CRIP2: variants seen among roughly 807,000 people sequenced by gnomAD.
CRIP2 encodes the protein cysteine-rich protein 2.
In CRIP2, 31 loss-of-function variants were observed where a neutral mutation model predicts 31.3. The ratio of observed to expected loss-of-function variants is 0.99; its 90% confidence interval spans 0.74 to 1.34. The LOEUF (loss-of-function observed/expected upper bound fraction) is 1.34. CRIP2 is among the 40% of genes most tolerant of loss of function. The pLI, the probability that CRIP2 is intolerant of heterozygous loss-of-function variation, is 0.00. For missense variants in CRIP2, 389 were observed against 301.6 expected (o/e 1.29, Z -2.15); for synonymous variants, 177 against 127.2 (o/e 1.39, Z -2.63).
chr14:105,478,348 G>T lies in CRIP2; in HGVS notation c.126G>T (p.Gly42=), dbSNP rs1555436360. The change falls in exon 2 of 8, where the codon GGG becomes GGT. Residue 42 remains glycine, a synonymous_variant. Transcript: ENST00000329146. This position sits in a 1 kb window ranked among gnomAD's most constrained non-coding sequence, Gnocchi z 4.9. ...GCTGCAGCAAGACGCTGACGCCCGG[G>T]GGCCACGCCGAGGTGAGCCCCACTG... The part of the protein sequence containing the change: ...CERCSKTLTP[G]GHAEHDGKPF... 2 of 1,561,752 alleles carry T rather than the reference G, an allele frequency of 1.3e-6. No homozygotes were observed. Among genetic ancestry groups the T allele is most frequent in the Admixed American group, 1.9e-5 (1 of 51,834 alleles).
At position 105,478,867 on chromosome 14, in the gene CRIP2, C is replaced by G. The variant is rs1555436548; in HGVS notation, c.333C>G (p.Ser111Arg). The change falls in exon 4 of 8, where the codon AGC becomes AGG. Residue 111 changes from serine (S) to arginine (R), a missense_variant. By Grantham distance (110) the Ser-to-Arg change is moderately radical (BLOSUM62 -1). Transcript: ENST00000329146. The surrounding 1 kb of genome is among the most constrained non-coding windows in gnomAD (Gnocchi z 4.9). ...RKASGPPKGPSRASSVTTFTG... is the reference protein window; with the variant it reads ...RKASGPPKGPRRASSVTTFTG... ...CGAGCGGCCCCCCGAAGGGGCCCAG[C>G]AGAGGTGGGCTGGGCGCGGGCTGGG... 2.1e-6 allele frequency: 3 copies of G among 1,437,306 alleles called. No homozygotes were observed. Among genetic ancestry groups the G allele is most frequent in the Non-Finnish European group, 2.7e-6 (3 of 1,106,572 alleles). 89.0% of individuals were successfully genotyped at this position (1,437,306 alleles called of 1,614,324 possible). A position where few individuals can be genotyped will look rare whatever the true frequency, so the allele number is the denominator to read the frequency against.
chr14:105,479,235 C>G lies in CRIP2; in HGVS notation c.501+16C>G. ...GCACGCGGAGGTGAGGGGAGTGCAACGGGGCTTGGGGGCCGGGCAGGGGCG... is the reference window on the plus strand; with the variant it reads ...GCACGCGGAGGTGAGGGGAGTGCAAGGGGGCTTGGGGGCCGGGCAGGGGCG... On this transcript the variant is annotated intron_variant, in intron 6 of 7. Coordinates refer to ENST00000329146, the MANE Select transcript of CRIP2 (RefSeq NM_001312.4). 1 of 1,483,456 alleles carries G rather than the reference C, an allele frequency of 6.7e-7. No individual in the cohort carries two copies. The allele number at this position is 1,483,456 out of a possible 1,614,324, so 91.9% of individuals were successfully genotyped here. A position where few individuals can be genotyped will look rare whatever the true frequency, so the allele number is the denominator to read the frequency against.
chr14:105,479,170 T>A lies in CRIP2; in HGVS notation c.452T>A (p.Leu151Gln), dbSNP rs781786654. 5 of 1,611,604 alleles carry A rather than the reference T, an allele frequency of 3.1e-6. No individual in the cohort carries two copies. Among genetic ancestry groups the A allele is most frequent in the South Asian group, 1.1e-5 (1 of 91,060 alleles). Residue 151 changes from leucine (L) to glutamine (Q), a missense_variant, in exon 6 of 8, where the codon CTG (leucine) becomes CAG (glutamine). Transcript: ENST00000329146. Reference sequence around the variant, plus strand: ...GGCAAGGATTGGCACCGGCCCTGCCTGCGCTGCGAGCGCTGCGGGAAGACA... The same window carrying A: ...GGCAAGGATTGGCACCGGCCCTGCCAGCGCTGCGAGCGCTGCGGGAAGACA... Reference protein sequence around the residue: ...SLGKDWHRPCLRCERCGKTLT... With the variant: ...SLGKDWHRPCQRCERCGKTLT...
chr14:105,474,021 T>C (rs2083883690), upstream of CRIP2: 1 of 162,340 alleles, frequency 6.2e-6, no homozygotes, highest in Admixed American at 5.7e-5. The surrounding 1 kb of genome is among the most constrained non-coding windows in gnomAD (Gnocchi z 5.1). Context: ...GTGGAAGTGC[T>C]TGGGGTGGAC....
At chr14:105,472,971 C>A, upstream of CRIP2, 1 of 571,886 alleles carries the variant, frequency 1.7e-6, no homozygotes. Context: ...GGGCTGGGGA[C>A]CTTGGGGCAG....
rs1595459757 is a variant in CRIP2 at position 105,479,992 on chromosome 14, A to G, written c.*339A>G. ...TGCTGCCCACCCACCTGCCAGTGTT[A>G]TTTATGCTCCCTTCGTGGGTGATGG... On this transcript the variant is annotated 3_prime_UTR_variant, in exon 8 of 8. Coordinates refer to ENST00000329146, the MANE Select transcript of CRIP2 (RefSeq NM_001312.4). 3 of 349,050 alleles carry G rather than the reference A, an allele frequency of 8.6e-6. No individual in the cohort carries two copies. The highest frequency in any genetic ancestry group is 1.6e-5 in the Non-Finnish European group (3 of 184,150). The allele number at this position is 349,050 out of a possible 1,614,324, so 21.6% of individuals were successfully genotyped here.
rs587598431 is a variant in CRIP2 at position 105,476,483 on chromosome 14, G to A, written c.43+1578G>A. 3.7e-5 allele frequency: 36 copies of A among 985,544 alleles called. No homozygotes were observed. The African/African-American group carries it at 5.8e-4, about 16-fold the overall frequency. 61.0% of individuals were successfully genotyped at this position (985,544 alleles called of 1,614,324 possible). A position where few individuals can be genotyped will look rare whatever the true frequency, so the allele number is the denominator to read the frequency against. On this transcript the variant is annotated intron_variant, in intron 1 of 7. Coordinates refer to ENST00000329146, the MANE Select transcript of CRIP2 (RefSeq NM_001312.4). ...CCACCCCAGAGCCCATGCAGCCAGG[G>A]TGGGCAGCTGGTTTTCTTCTGAGCC...
chr14:105,477,180 C>T, intron 1 of CRIP2: 1 of 744,718 alleles, frequency 1.3e-6, no homozygotes, highest in Non-Finnish European at 1.6e-6. Flanking sequence ...TGGGCCCTTC[C>T]TGCCCCTCCC....
At chr14:105,479,290 C>G (rs1555436785) in intron 6 of CRIP2, 71 bp downstream of exon 6, 3 of 1,509,284 alleles carry the variant, frequency 2.0e-6, no homozygotes, top group Non-Finnish European at 2.7e-6. Flanking sequence ...GTGAGAGGCG[C>G]GCCTAGAGGG....
chr14:105,479,148 A>C lies in CRIP2; in HGVS notation c.430A>C (p.Lys144Gln). 1 of 1,611,584 alleles carries C rather than the reference A, an allele frequency of 6.2e-7. No homozygotes were observed. The highest frequency in any genetic ancestry group is 8.5e-7 in the Non-Finnish European group (1 of 1,179,438). ...AGCTGAGAAGGTGACGTCTCTGGGC[A>C]AGGATTGGCACCGGCCCTGCCTGCG... The part of the protein sequence containing the change: ...YFAEKVTSLG[K>Q]DWHRPCLRCE... The change falls in exon 6 of 8, where the codon AAG (lysine) becomes CAG (glutamine). Residue 144 changes from lysine to glutamine, a missense_variant. Coordinates refer to ENST00000329146, the MANE Select transcript of CRIP2 (RefSeq NM_001312.4).
intron 1 of CRIP2, chr14:105,477,418 C>A (rs1204589561): frequency 3.0e-6 from 3 of 984,994 alleles, no homozygotes; most frequent in African/African-American, 3.5e-5. Context: ...CTGGAGGACC[C>A]ACGGGGACGG....
At position 105,477,426 on chromosome 14, in the gene CRIP2, C is replaced by T. The variant is rs1363008065; in HGVS notation, c.44-840C>T. The T allele has an allele frequency of 1.0e-5, 10 of 984,826 alleles. No individual in the cohort carries two copies. In the African/African-American group the frequency reaches 1.1e-4, roughly 10 times the overall value. The allele number at this position is 984,826 out of a possible 1,614,324, so 61.0% of individuals were successfully genotyped here. ...GTCCCGCCTGGAGGACCCACGGGGA[C>T]GGGGCCTGGCCTTCCCATGAGGGAG... is the stretch of plus-strand genomic sequence containing the variant. On this transcript the variant is annotated intron_variant, in intron 1 of 7. Transcript: ENST00000329146.
Position 105,479,870 on chromosome 14 carries a change from C to T in CRIP2, c.*217C>T. The T allele has an allele frequency of 1.7e-6, 1 of 595,836 alleles. No individual in the cohort carries two copies. The highest frequency in any genetic ancestry group is 2.8e-5 in the East Asian group (1 of 35,692). The allele number at this position is 595,836 out of a possible 1,614,324, so 36.9% of individuals were successfully genotyped here. ...GCATCCTCTGGGCGTCCCATGATCCCTTCTGTGTCTGCGTGTCCGAATCCC... is the reference window on the plus strand; with the variant it reads ...GCATCCTCTGGGCGTCCCATGATCCTTTCTGTGTCTGCGTGTCCGAATCCC... On this transcript the variant is annotated 3_prime_UTR_variant, in exon 8 of 8. Transcript: ENST00000329146.
At chr14:105,473,373 G>T (rs1005958548), upstream of CRIP2, 1 of 1,535,710 alleles carries the variant, frequency 6.5e-7, no homozygotes, top group East Asian at 2.4e-5. Context: ...CCATGGAAAT[G>T]GCAGTGGCTG....
rs1053609557 is a variant in CRIP2, at chr14:105,476,362, G to C, written c.43+1457G>C. On this transcript the variant is annotated intron_variant, in intron 1 of 7. Transcript: ENST00000329146. ...CCTGCCTGGGAGGCACTGTGAGGGC[G>C]AGGGTCCAGAATCCTGCCCACCCTC... 3.2e-5 allele frequency: 32 copies of C among 985,372 alleles called. No homozygotes were observed. In the African/African-American group the frequency reaches 5.4e-4, roughly 17 times the overall value. The allele number at this position is 985,372 out of a possible 1,614,324, so 61.0% of individuals were successfully genotyped here. A position where few individuals can be genotyped will look rare whatever the true frequency, so the allele number is the denominator to read the frequency against.
rs587604519 is a variant in CRIP2 at position 105,475,035 on chromosome 14, G to A, written c.43+130G>A. 3.6e-5 allele frequency: 40 copies of A among 1,106,916 alleles called. No individual in the cohort carries two copies. The African/African-American group carries it at 4.7e-4, about 13-fold the overall frequency. The allele number at this position is 1,106,916 out of a possible 1,614,324, so 68.6% of individuals were successfully genotyped here. On this transcript the variant is annotated intron_variant, in intron 1 of 7. Coordinates refer to ENST00000329146, the MANE Select transcript of CRIP2 (RefSeq NM_001312.4). The stretch of plus-strand genomic sequence containing the variant: ...GCCCCGGACCGAGGATGCGCGTCCC[G>A]GAGGCTGGCTGGCCGCGCTGCCCAA...
chr14:105,476,050 G>A (rs2083926002), intron 1 of CRIP2: 2 of 985,478 alleles, frequency 2.0e-6, no homozygotes, highest in African/African-American at 1.7e-5. Flanking sequence ...TGCTTCTGGC[G>A]TGGCTGGGAG....
chr14:105,475,933 T>A, intron 1 of CRIP2: 4 of 985,522 alleles, frequency 4.1e-6, no homozygotes, highest in Non-Finnish European at 4.8e-6. Flanking sequence ...GCGGCCAGGC[T>A]GCAGGGAAGG....
At chr14:105,476,450 TGAG>T (rs1293654062) in intron 1 of CRIP2, 1 of 985,408 alleles carries the variant, frequency 1.0e-6, no homozygotes, top group East Asian at 1.1e-4. Context: ...CGGAGCACAT[TGAG>T]GAGGCCACCC....
Sources: allele counts gnomAD v4.1 joint callset, GRCh38; gene constraint gnomAD v4.1.1; non-coding constraint Gnocchi (gnomAD v3.1); transcripts MANE v1.5; gene names NCBI Gene and HGNC (gene_info 2026-07-23, HGNC 2026-07-21).